The following DOCK10 variants were observed in gnomAD, a reference collection of about 807,000 sequenced individuals.
The protein encoded by DOCK10 is dedicator of cytokinesis 10.
In DOCK10, 145 loss-of-function variants were observed where a neutral mutation model predicts 280.1. That is an observed-to-expected ratio of 0.52 (90% CI 0.45 to 0.59). DOCK10 has a LOEUF of 0.59. DOCK10 is among the 20% of genes least tolerant of loss of function. The probability of loss-of-function intolerance (pLI) is 0.00; values close to 1 mark genes in which losing one functional copy is unlikely to be tolerated. For synonymous variants in DOCK10, 915 were observed against 942.2 expected (o/e 0.97, Z 0.53); for missense variants, 2,368 against 2,651.7 (o/e 0.89, Z 2.35).
At chr2:224,812,061 A>C (rs1026459663) in intron 31 of DOCK10, among the ~76,000 whole-genome samples, 2 of 152,076 alleles carry the variant, frequency 1.3e-5, no homozygotes, top group Admixed American at 6.6e-5. Flanking sequence ...CATTGAATCT[A>C]TAAATTACCT....
rs200000068 is a variant in DOCK10, at chr2:224,845,292, C to A, written c.2392G>T (p.Asp798Tyr). The change falls in exon 21 of 56, where the codon GAT becomes TAT. Residue 798 changes from aspartate (D) to tyrosine (Y), a missense_variant. Physicochemically the swap from Asp to Tyr is radical, Grantham distance 160. Transcript: ENST00000258390. ...GYAWLPLMKH[D>Y]QIASQEYNIP... ...TTGTACTCTTGAGAAGCTATCTGAT[C>A]GTGTTTCATCAGAGGAAGCCAAGCA... The A allele has an allele frequency of 2.7e-5, 43 of 1,589,488 alleles. No individual in the cohort carries two copies. The highest frequency in any genetic ancestry group is 3.4e-5 in the Non-Finnish European group (40 of 1,166,576).
chr2:225,000,246 G>A (rs13408770), intron 1 of DOCK10, among the ~76,000 whole-genome samples: 8,179 of 149,194 alleles, frequency 0.055, 343 homozygotes, highest in African/African-American at 0.11. Flanking sequence ...ACACACACAT[G>A]CAATTACTGG....
chr2:225,035,572 A>ATATTATATATATATATATATAT lies in DOCK10; in HGVS notation c.123+6679_123+6680insATATATATATATATATATAATA, dbSNP rs71062971. Among the ~76,000 whole-genome samples the ATATTATATATATATATATATAT allele has an allele frequency of 6.9e-4, 48 of 69,958 alleles. 1 individual carries two copies. Among genetic ancestry groups the ATATTATATATATATATATATAT allele is most frequent in the Non-Finnish European group, 1.2e-3 (41 of 34,230 alleles). The allele number at this position is 69,958 out of a possible 152,430, so 45.9% of individuals were successfully genotyped here. A position where few individuals can be genotyped will look rare whatever the true frequency, so the allele number is the denominator to read the frequency against. On this transcript the variant is annotated intron_variant, in intron 1 of 55. Coordinates refer to ENST00000258390, the MANE Select transcript of DOCK10 (RefSeq NM_014689.3). Reference sequence around the variant, plus strand: ...TATATATATATATATATATATATATATATATATATATATATAACACTGAAT... The same window carrying ATATTATATATATATATATATAT: ...TATATATATATATATATATATATATATATTATATATATATATATATATTATATATATATATATAACACTGAAT...
chr2:224,975,635 G>A (rs1355902580), intron 1 of DOCK10, among the ~76,000 whole-genome samples: 3 of 152,212 alleles, frequency 2.0e-5, no homozygotes, highest in Non-Finnish European at 4.4e-5. Context: ...TTCCTTTGGA[G>A]TAGTTTCCAT....
chr2:224,805,086 C>G lies in DOCK10; in HGVS notation c.4090G>C (p.Glu1364Gln), dbSNP rs1161767790. 1 of 1,611,496 alleles carries G rather than the reference C, an allele frequency of 6.2e-7. No homozygotes were observed. The highest frequency in any genetic ancestry group is 8.5e-7 in the Non-Finnish European group (1 of 1,178,808). Reference protein sequence around the residue: ...IAYWQRAPSPEVSDFFSILDV... With the variant: ...IAYWQRAPSPQVSDFFSILDV... ...AAGATGCTGAAGAAGTCGGACACCT[C>G]TGGGCTGGGAGCTCTCTGCCAGTAG... Residue 1364 changes from glutamate (E) to glutamine (Q), a missense_variant, in exon 37 of 56, where the codon GAG becomes CAG. By Grantham distance (29) the Glu-to-Gln change is conservative (BLOSUM62 2). This residue lies in a region of DOCK10 where 1,159 missense variants were observed against 1,400.8 expected (regional missense o/e 0.83). Coordinates refer to ENST00000258390, the MANE Select transcript of DOCK10 (RefSeq NM_014689.3). This position sits in a 1 kb window ranked among gnomAD's most constrained non-coding sequence, Gnocchi z 4.3.
chr2:224,778,459 T>C (rs962688149), intron 50 of DOCK10, 175 bp from the exon 51 acceptor site: 3 of 685,166 alleles, frequency 4.4e-6, no homozygotes, highest in Non-Finnish European at 7.9e-6. Flanking sequence ...GAAAATAAAG[T>C]ATCATCTTAT....
At chr2:224,842,070 A>G (rs924759783) in intron 22 of DOCK10, among the ~76,000 whole-genome samples, 174 bp from the exon 23 acceptor site, 1 of 152,196 alleles carries the variant, frequency 6.6e-6, no homozygotes, top group African/African-American at 2.4e-5. Context: ...GGCCTAGTGA[A>G]GGCTCTGCAT....
chr2:224,866,603 C>A (rs1299219130), intron 11 of DOCK10, among the ~76,000 whole-genome samples: 1 of 152,216 alleles, frequency 6.6e-6, no homozygotes, highest in East Asian at 1.9e-4. Context: ...TCAACTACCA[C>A]CATGATGGCG....
intron 1 of DOCK10, among the ~76,000 whole-genome samples, chr2:224,935,389 A>G (rs1483754472): frequency 6.6e-6 from 1 of 152,246 alleles, no homozygotes; most frequent in South Asian, 2.1e-4. Flanking sequence ...TGGAAGTACA[A>G]TCTAACTGAA....
At chr2:224,870,489 A>T (rs552576175) in intron 11 of DOCK10, among the ~76,000 whole-genome samples, 1 of 152,162 alleles carries the variant, frequency 6.6e-6, no homozygotes, top group Non-Finnish European at 1.5e-5. Flanking sequence ...TGCTCTTGCC[A>T]TAGTCATCAA....
chr2:224,870,058 AT>A (rs1698170473), intron 11 of DOCK10, among the ~76,000 whole-genome samples: 1 of 152,178 alleles, frequency 6.6e-6, no homozygotes, highest in African/African-American at 2.4e-5. Context: ...CTCACATGTC[AT>A]AGGAGGGACC....
intron 4 of DOCK10, among the ~76,000 whole-genome samples, chr2:224,890,800 T>C (rs1277208032): frequency 6.6e-6 from 1 of 152,100 alleles, no homozygotes; most frequent in Admixed American, 6.5e-5. Flanking sequence ...GTTAACTCTT[T>C]GGGGGTGATA....
Position 224,787,033 on chromosome 2 carries a change from A to C in DOCK10, c.5644T>G (p.Phe1882Val), listed in dbSNP as rs1691780389. The C allele has an allele frequency of 6.2e-7, 1 of 1,613,706 alleles. No homozygotes were observed. Among genetic ancestry groups the C allele is most frequent in the African/African-American group, 1.3e-5 (1 of 74,936 alleles). Residue 1882 changes from phenylalanine (F) to valine (V), a missense_variant, in exon 50 of 56, where the codon TTT becomes GTT. Around this residue, in one of 2 missense-constraint regions of DOCK10, gnomAD observed 1,159 missense variants for 1,400.8 expected, o/e 0.83. Coordinates refer to ENST00000258390, the MANE Select transcript of DOCK10 (RefSeq NM_014689.3). Reference protein sequence around the residue: ...RLFGRYYRVAFYGQGFFEEEE... With the variant: ...RLFGRYYRVAVYGQGFFEEEE... ...TCTGGTGAACTTACCTGCCCATAAA[A>C]TGCCACACGATAGTAGCGACCAAAC... is the stretch of plus-strand genomic sequence containing the variant.
chr2:224,927,937 G>T (rs1395915), intron 2 of DOCK10, among the ~76,000 whole-genome samples: 87,954 of 151,818 alleles, frequency 0.58, 26,065 homozygotes, highest in Non-Finnish European at 0.64. Context: ...AGCTTGGAGC[G>T]GCCCCTCTCC....
intron 2 of DOCK10, among the ~76,000 whole-genome samples, chr2:224,920,354 A>T (rs567661731): frequency 5.3e-5 from 8 of 151,618 alleles, no homozygotes; most frequent in Admixed American, 1.3e-4. Flanking sequence ...GATTACAGGC[A>T]TGAGCCACTG....
chr2:224,969,007 A>G (rs1250390465), intron 1 of DOCK10, among the ~76,000 whole-genome samples: 1 of 152,198 alleles, frequency 6.6e-6, no homozygotes, highest in African/African-American at 2.4e-5. Flanking sequence ...TCCAGGAAAT[A>G]AGGAGGGCTG....
chr2:224,805,569 G>A lies in DOCK10; in HGVS notation c.3815-40C>T, dbSNP rs372684445. Reference sequence around the variant, plus strand: ...CACAGCACACGTATGGGAATGAGATGTATGGGCACACACACACAAAAGGTT... The same window carrying A: ...CACAGCACACGTATGGGAATGAGATATATGGGCACACACACACAAAAGGTT... On this transcript the variant is annotated intron_variant, in intron 34 of 55. Coordinates refer to ENST00000258390, the MANE Select transcript of DOCK10 (RefSeq NM_014689.3). This position sits in a 1 kb window ranked among gnomAD's most constrained non-coding sequence, Gnocchi z 4.3. 1.5e-5 allele frequency: 24 copies of A among 1,608,662 alleles called. No individual in the cohort carries two copies. In the African/African-American group the frequency reaches 2.1e-4, roughly 14 times the overall value.
chr2:224,800,352 A>C, intron 40 of DOCK10, 89 bp from the exon 41 acceptor site: 2 of 716,710 alleles, frequency 2.8e-6, no homozygotes, highest in East Asian at 5.6e-5. Flanking sequence ...ATATATTCAA[A>C]GTTTGCTGGC....
intron 1 of DOCK10, chr2:224,946,758 T>C: frequency 1.0e-6 from 1 of 989,942 alleles, no homozygotes; most frequent in Non-Finnish European, 1.4e-6. Context: ...CAGCAGCCTC[T>C]GCTAGAATAC....
Sources: allele counts gnomAD v4.1 joint callset (sites outside exome capture counted in the v4.1 genomes callset), GRCh38; gene constraint gnomAD v4.1.1; regional missense constraint gnomAD v4.1.1; non-coding constraint Gnocchi (gnomAD v3.1); transcripts MANE v1.5; gene names NCBI Gene and HGNC (gene_info 2026-07-23, HGNC 2026-07-21).